Variants in RBM20 observed in about 807,000 individuals in gnomAD.
RBM20 encodes the protein RNA binding motif protein 20, also known as RNA-binding protein 20.
A neutral mutation model predicts 110.1 loss-of-function variants in RBM20; 51 were observed. The observed-to-expected ratio is 0.46, with a 90% CI of 0.37 to 0.59. The LOEUF (loss-of-function observed/expected upper bound fraction) is 0.59, where lower values mean the gene tolerates loss of function less well. RBM20 is among the 20% of genes least tolerant of loss of function. The pLI, the probability that RBM20 is intolerant of heterozygous loss-of-function variation, is 0.00. For missense variants in RBM20, 1,512 were observed against 1,574.9 expected (o/e 0.96, Z 0.68); for synonymous variants, 589 against 618.2 (o/e 0.95, Z 0.70).
chr10:110,737,177 C>CAAAAAAAAAAAAAAAAAAGAAAAAA (rs1843679723), intron 1 of RBM20, among the ~76,000 whole-genome samples: 1 of 26,620 alleles, frequency 3.8e-5, no homozygotes, highest in Non-Finnish European at 7.0e-5. Flanking sequence ...AACTCTGCCT[C>CAAAAAAAAAAAAAAAAAAGAAAAAA]AAAAAAAAAA....
chr10:110,801,155 G>A (rs906098332), intron 7 of RBM20, among the ~76,000 whole-genome samples: 6 of 152,158 alleles, frequency 3.9e-5, no homozygotes, highest in East Asian at 3.9e-4. Context: ...TCGGCCGGGC[G>A]TGGTGGCTCA....
At chr10:110,830,967 G>C in intron 12 of RBM20, 94 bp from the exon 13 acceptor site, 1 of 1,270,740 alleles carries the variant, frequency 7.9e-7, no homozygotes, top group Non-Finnish European at 1.1e-6. Context: ...GGTGGAGCTC[G>C]TGGCTCCCAT....
intron 9 of RBM20, 133 bp downstream of exon 9, chr10:110,813,080 G>A (rs1461332326): frequency 3.1e-6 from 2 of 647,404 alleles, no homozygotes; most frequent in Non-Finnish European, 4.9e-6. Context: ...TAGGCACTGT[G>A]CAAGACACTT....
intron 1 of RBM20, among the ~76,000 whole-genome samples, chr10:110,742,216 T>C (rs1843732804): frequency 6.6e-6 from 1 of 152,212 alleles, no homozygotes; most frequent in African/African-American, 2.4e-5. Flanking sequence ...GACTTTTCTA[T>C]CTACACCTCC....
intron 1 of RBM20, among the ~76,000 whole-genome samples, chr10:110,700,555 AG>A (rs2134892885): frequency 6.6e-6 from 1 of 152,334 alleles, no homozygotes; most frequent in Admixed American, 6.5e-5. Flanking sequence ...GTGGCTCAAC[AG>A]GGTCTTTAGG....
chr10:110,800,367 C>G (rs903919436), intron 7 of RBM20, among the ~76,000 whole-genome samples: 1 of 152,230 alleles, frequency 6.6e-6, no homozygotes, highest in African/African-American at 2.4e-5. Flanking sequence ...TTCTAAGCAG[C>G]CCTTGGCTGA....
intron 1 of RBM20, among the ~76,000 whole-genome samples, chr10:110,682,370 A>G (rs1381134015): frequency 6.6e-6 from 1 of 152,150 alleles, no homozygotes; most frequent in African/African-American, 2.4e-5. Context: ...GATGGAGCCA[A>G]CTTTTTCTAT....
chr10:110,725,700 C>T (rs552309687), intron 1 of RBM20, among the ~76,000 whole-genome samples: 1 of 152,348 alleles, frequency 6.6e-6, no homozygotes, highest in African/African-American at 2.4e-5. Flanking sequence ...GGTGTGACAT[C>T]TTGCTTGGTT....
chr10:110,705,028 G>C (rs911986951), intron 1 of RBM20, among the ~76,000 whole-genome samples: 1 of 152,208 alleles, frequency 6.6e-6, no homozygotes, highest in African/African-American at 2.4e-5. Flanking sequence ...GAAGAAAACA[G>C]AAGCATGGCC....
Position 110,784,362 on chromosome 10 carries a change from T to A in RBM20, c.1359T>A (p.Leu453=). The change falls in exon 4 of 14, where the codon CTT becomes CTA. Residue 453 remains leucine, a synonymous_variant. Coordinates refer to ENST00000369519, the MANE Select transcript of RBM20 (RefSeq NM_001134363.3). ...FSENAGIRCI[L]GSAEGTLCAS... ...CCAGTGCTGGCATCCGGTGTATACT[T>A]GGTTCGGCAGAGGGAACATTGTGTG... The A allele has an allele frequency of 1.3e-6, 2 of 1,551,256 alleles. No individual in the cohort carries two copies. Among genetic ancestry groups the A allele is most frequent in the East Asian group, 2.4e-5 (1 of 40,926 alleles).
At position 110,839,102 on chromosome 10, in the gene RBM20, G is replaced by A. The variant is rs1401984780; in HGVS notation, c.*3124G>A. The A allele has an allele frequency of 6.6e-6, 1 of 152,124 alleles. No homozygotes were observed. Among genetic ancestry groups the A allele is most frequent in the Non-Finnish European group, 1.5e-5 (1 of 68,012 alleles). The allele number at this position is 152,124 out of a possible 1,614,324, so 9.4% of individuals were successfully genotyped here. A position where few individuals can be genotyped will look rare whatever the true frequency, so the allele number is the denominator to read the frequency against. On this transcript the variant is annotated 3_prime_UTR_variant, in exon 14 of 14. Transcript: ENST00000369519. Reference sequence around the variant, plus strand: ...TTACCCTGGGTTAATACAACAAAAGGCCTGTATAATTGTCTTTTCATTGTT... The same window carrying A: ...TTACCCTGGGTTAATACAACAAAAGACCTGTATAATTGTCTTTTCATTGTT...
chr10:110,736,730 A>T (rs1437078445), intron 1 of RBM20, among the ~76,000 whole-genome samples: 4 of 152,106 alleles, frequency 2.6e-5, no homozygotes, highest in African/African-American at 9.7e-5. Flanking sequence ...CCTTTTTTTC[A>T]GTAAGCTCTT....
chr10:110,744,709 T>C (rs1211999100), intron 1 of RBM20, among the ~76,000 whole-genome samples: 1 of 152,094 alleles, frequency 6.6e-6, no homozygotes, highest in African/African-American at 2.4e-5. Flanking sequence ...TTCAAATGAG[T>C]TTAGATGTAT....
chr10:110,723,315 C>T lies in RBM20; in HGVS notation c.192-57486C>T, dbSNP rs768021457. On this transcript the variant is annotated intron_variant, in intron 1 of 13. Coordinates refer to ENST00000369519, the MANE Select transcript of RBM20 (RefSeq NM_001134363.3). The stretch of plus-strand genomic sequence containing the variant: ...ATTTTTATACCCCCAAAAGAAACTG[C>T]GTACCCATTAGCAGTCACTCCCCAT... Among the ~76,000 whole-genome samples the T allele has an allele frequency of 1.2e-4, 18 of 152,232 alleles. No individual in the cohort carries two copies. The East Asian group carries it at 1.5e-3, about 13-fold the overall frequency.
Position 110,810,412 on chromosome 10 carries a change from C to A in RBM20, c.1830C>A (p.Ile610=), listed in dbSNP as rs1043758571. The change falls in exon 8 of 14, where the codon ATC becomes ATA. Residue 610 remains isoleucine, a synonymous_variant. Transcript: ENST00000369519. ...CCGGGAAGGCCGTGGCTGCCATCAT[C>A]CAGGACATCCATTCCCAGAGGGAGA... ...KKPGKAVAAI[I]QDIHSQRERD... 9.0e-6 allele frequency: 14 copies of A among 1,551,466 alleles called. No individual in the cohort carries two copies. Among genetic ancestry groups the A allele is most frequent in the African/African-American group, 1.4e-5 (1 of 73,054 alleles).
intron 1 of RBM20, among the ~76,000 whole-genome samples, chr10:110,753,222 C>T (rs1040274042): frequency 6.6e-6 from 1 of 151,726 alleles, no homozygotes; most frequent in African/African-American, 2.4e-5. Context: ...TGTGAGCCAC[C>T]GTGCCTGGCG....
At chr10:110,742,767 T>C (rs2134971437) in intron 1 of RBM20, among the ~76,000 whole-genome samples, 1 of 152,360 alleles carries the variant, frequency 6.6e-6, no homozygotes, top group East Asian at 1.9e-4. Flanking sequence ...ACCTAGGTAG[T>C]AGCTGGGAGG....
At chr10:110,661,048 C>T (rs1468912501) in intron 1 of RBM20, among the ~76,000 whole-genome samples, 1 of 152,134 alleles carries the variant, frequency 6.6e-6, no homozygotes, top group Non-Finnish European at 1.5e-5. Flanking sequence ...GATTTACCCC[C>T]CAGGGCCTAG....
intron 1 of RBM20, among the ~76,000 whole-genome samples, chr10:110,771,413 A>G (rs1381702165): frequency 6.6e-6 from 1 of 152,184 alleles, no homozygotes; most frequent in Non-Finnish European, 1.5e-5. Context: ...ACAGGCGTTA[A>G]GCCACCATGC....
Sources: gnomAD v4.1 joint callset for allele counts (sites outside exome capture counted in the v4.1 genomes callset) on GRCh38, gnomAD v4.1.1 for gene constraint, MANE v1.5 for transcripts, NCBI Gene and HGNC (gene_info 2026-07-23, HGNC 2026-07-21) for gene names.